The following FHIT variants were observed in gnomAD, a reference collection of about 807,000 sequenced individuals.
FHIT encodes the protein bis(5'-adenosyl)-triphosphatase.
FHIT carries 19 observed loss-of-function variants against 17.9 expected under a neutral mutation model. The ratio of observed to expected loss-of-function variants is 1.06; its 90% CI spans 0.74 to 1.56. The LOEUF (loss-of-function observed/expected upper bound fraction) is 1.56. Ranked by LOEUF, FHIT falls within the 40% of genes most tolerant of loss-of-function variation. The probability of loss-of-function intolerance (pLI) is 0.00; values close to 1 mark genes in which losing one functional copy is unlikely to be tolerated. For synonymous variants in FHIT, 81 were observed against 69.7 expected, an observed-to-expected ratio of 1.16 and a Z score of -0.81; for missense variants, 248 against 189.2, an observed-to-expected ratio of 1.31 and a Z score of -1.82.
At chr3:60,070,885 T>C (rs1576027562) in intron 5 of FHIT, among the ~76,000 whole-genome samples, 1 of 152,346 alleles carries the variant, frequency 6.6e-6, no homozygotes, top group South Asian at 2.1e-4. Flanking sequence ...TAAAATCCAC[T>C]TGAGTGCTGG....
chr3:60,606,488 G>A (rs112833223), intron 4 of FHIT, among the ~76,000 whole-genome samples: 3,915 of 152,034 alleles, frequency 0.026, 165 homozygotes, highest in African/African-American at 0.089. Flanking sequence ...CAATCTGCCC[G>A]CCTCAGCCTC....
At chr3:60,658,498 G>T (rs1377417060) in intron 4 of FHIT, among the ~76,000 whole-genome samples, 2 of 151,870 alleles carry the variant, frequency 1.3e-5, no homozygotes, top group Non-Finnish European at 2.9e-5. Flanking sequence ...ATATCCTAAA[G>T]TTATCGATTC....
intron 5 of FHIT, among the ~76,000 whole-genome samples, chr3:60,379,751 G>C (rs959582417): frequency 2.6e-5 from 4 of 152,080 alleles, no homozygotes; most frequent in African/African-American, 9.7e-5. Flanking sequence ...TTGAAAAAAG[G>C]AGATACCTAG....
At chr3:60,805,663 C>G (rs1701357499) in intron 4 of FHIT, among the ~76,000 whole-genome samples, 1 of 152,142 alleles carries the variant, frequency 6.6e-6, no homozygotes, top group South Asian at 2.1e-4. Context: ...TCGTGCCATT[C>G]TCCTGCCTTA....
intron 8 of FHIT, among the ~76,000 whole-genome samples, chr3:59,771,306 C>G (rs1199822264): frequency 6.6e-6 from 1 of 152,104 alleles, no homozygotes; most frequent in Non-Finnish European, 1.5e-5. Flanking sequence ...AGGCCAAAGA[C>G]AGGAAATGAG....
In FHIT at chr3:60,478,780, G is replaced by C. The variant is rs149935560; in HGVS notation, c.103+58080C>G. ...TTTTTGCACAAATGAACAAATACAT[G>C]AAATAAAAGTATGTTGAAGGCACAG... On this transcript the variant is annotated intron_variant, in intron 5 of 9. Coordinates refer to ENST00000492590, the MANE Select transcript of FHIT (RefSeq NM_002012.4). 1.3e-3 allele frequency among the ~76,000 whole-genome samples: 202 copies of C among 152,196 alleles called. 2 individuals are homozygous for C. The highest frequency in any genetic ancestry group is 4.8e-3 in the African/African-American group (200 of 41,526).
chr3:60,478,449 C>T (rs1184039461), intron 5 of FHIT, among the ~76,000 whole-genome samples: 2 of 152,200 alleles, frequency 1.3e-5, no homozygotes, highest in Non-Finnish European at 2.9e-5. Flanking sequence ...GTGTTACCAT[C>T]TCTAGACCTA....
chr3:60,147,302 T>C (rs906629423), intron 5 of FHIT, among the ~76,000 whole-genome samples: 1 of 152,210 alleles, frequency 6.6e-6, no homozygotes, highest in African/African-American at 2.4e-5. Flanking sequence ...GAGTATGAGA[T>C]AGAGTTCAAA....
At chr3:60,875,981 A>G (rs1380855975) in intron 3 of FHIT, among the ~76,000 whole-genome samples, 1 of 150,290 alleles carries the variant, frequency 6.7e-6, no homozygotes, top group Non-Finnish European at 1.5e-5. Flanking sequence ...ATAGATATTC[A>G]TTTACTTATA....
chr3:60,448,791 T>C (rs891560410), intron 5 of FHIT, among the ~76,000 whole-genome samples: 2 of 152,176 alleles, frequency 1.3e-5, no homozygotes, highest in African/African-American at 4.8e-5. Flanking sequence ...GGAGCCATGA[T>C]TCTTCCCTAC....
At chr3:59,823,616 A>G (rs1700873457) in intron 8 of FHIT, among the ~76,000 whole-genome samples, 1 of 152,208 alleles carries the variant, frequency 6.6e-6, no homozygotes, top group Non-Finnish European at 1.5e-5. Context: ...ATCTCAAAAG[A>G]TGCAGACAAA....
intron 8 of FHIT, among the ~76,000 whole-genome samples, chr3:59,795,815 C>T (rs543858785): frequency 1.8e-4 from 28 of 152,302 alleles, no homozygotes; most frequent in African/African-American, 5.1e-4. Flanking sequence ...AGAGCTCCAT[C>T]GGATTGGAAA....
intron 8 of FHIT, among the ~76,000 whole-genome samples, chr3:59,895,123 T>G (rs768125624): frequency 7.9e-5 from 12 of 152,236 alleles, no homozygotes; most frequent in Non-Finnish European, 1.6e-4. Context: ...GAAGCCTGAA[T>G]GCTACAAAAC....
chr3:61,060,235 T>C lies in FHIT; in HGVS notation c.-163-18136A>G, dbSNP rs575189934. Reference sequence around the variant, plus strand: ...TCTATTTAGAAGTTTGATGGTATAGTTGTGACCAGAAATATGCCATAGGAA... The same window carrying C: ...TCTATTTAGAAGTTTGATGGTATAGCTGTGACCAGAAATATGCCATAGGAA... On this transcript the variant is annotated intron_variant, in intron 2 of 9. Transcript: ENST00000492590. Among the ~76,000 whole-genome samples, 98 of 152,348 alleles carry C rather than the reference T, an allele frequency of 6.4e-4. 1 individual carries two copies. Among genetic ancestry groups the C allele is most frequent in the African/African-American group, 2.3e-3 (94 of 41,570 alleles).
chr3:60,818,522 T>A (rs1553738301), intron 4 of FHIT, among the ~76,000 whole-genome samples: 1 of 152,202 alleles, frequency 6.6e-6, no homozygotes, highest in African/African-American at 2.4e-5. Flanking sequence ...GACATATACC[T>A]CAGAATTACA....
intron 4 of FHIT, among the ~76,000 whole-genome samples, chr3:60,702,496 G>T (rs1473795932): frequency 2.0e-5 from 3 of 150,982 alleles, no homozygotes; most frequent in Admixed American, 1.3e-4. Context: ...TTGTTACTAA[G>T]GATTTTATAT....
chr3:59,856,871 ATTTTT>A (rs61261831), intron 8 of FHIT, among the ~76,000 whole-genome samples: 3 of 148,292 alleles, frequency 2.0e-5, no homozygotes, highest in Admixed American at 6.7e-5. Context: ...CCGGCTGAGT[ATTTTT>A]TTTTTTTTTA....
chr3:60,075,020 T>C (rs572212216), intron 5 of FHIT, among the ~76,000 whole-genome samples: 1 of 152,200 alleles, frequency 6.6e-6, no homozygotes, highest in South Asian at 2.1e-4. Flanking sequence ...GATTCAAGGA[T>C]TAGGCTAACA....
At chr3:60,381,854 C>T (rs1412730996) in intron 5 of FHIT, among the ~76,000 whole-genome samples, 1 of 151,896 alleles carries the variant, frequency 6.6e-6, no homozygotes, top group African/African-American at 2.4e-5. Flanking sequence ...TTCAGAACAC[C>T]CACAGTAAAC....
Sources: allele counts gnomAD v4.1 joint callset (sites outside exome capture counted in the v4.1 genomes callset), GRCh38; gene constraint gnomAD v4.1.1; transcripts MANE v1.5; gene names NCBI Gene and HGNC (gene_info 2026-07-23, HGNC 2026-07-21).